Variants in MCF2L2 observed in about 807,000 individuals in gnomAD.
The protein encoded by MCF2L2 is MCF.2 cell line derived transforming sequence-like 2, also known as probable guanine nucleotide exchange factor MCF2L2.
MCF2L2 carries 102 observed loss-of-function variants against 150.2 expected under a neutral mutation model. The observed-to-expected ratio is 0.68, with a 90% CI of 0.58 to 0.80. MCF2L2 has a LOEUF of 0.80. MCF2L2 is among the 30% of genes least tolerant of loss of function. MCF2L2 has a pLI of 0.00. For missense variants in MCF2L2, 1,256 were observed against 1,372.8 expected (o/e 0.91, Z 1.34); for synonymous variants, 465 against 491.3 (o/e 0.95, Z 0.71).
At chr3:183,407,343 T>C (rs1013384982) in intron 1 of MCF2L2, among the ~76,000 whole-genome samples, 3 of 152,226 alleles carry the variant, frequency 2.0e-5, no homozygotes, top group Non-Finnish European at 4.4e-5. Flanking sequence ...TAGTTCTTTT[T>C]GCCTACTATA....
chr3:183,335,954 C>T (rs1730462164), intron 5 of MCF2L2, among the ~76,000 whole-genome samples: 1 of 152,162 alleles, frequency 6.6e-6, no homozygotes, highest in Non-Finnish European at 1.5e-5. Context: ...CCAAAGCGTT[C>T]GTCACCTCCC....
chr3:183,410,501 C>T (rs1223109116), intron 1 of MCF2L2, among the ~76,000 whole-genome samples: 1 of 152,188 alleles, frequency 6.6e-6, no homozygotes, highest in Admixed American at 6.5e-5. Context: ...CCCATGACAG[C>T]TTGTGGGCCA....
chr3:183,226,753 T>C (rs1723360159), intron 18 of MCF2L2: 1 of 152,226 alleles, frequency 6.6e-6, no homozygotes, highest in Admixed American at 6.5e-5. Context: ...AACCATAAAA[T>C]ACTTCTAATC....
At chr3:183,240,417 C>A (rs762673927) in intron 15 of MCF2L2, among the ~76,000 whole-genome samples, 1 of 152,142 alleles carries the variant, frequency 6.6e-6, no homozygotes, top group Non-Finnish European at 1.5e-5. Flanking sequence ...AGGGGTTTTA[C>A]CATGTTGGCC....
intron 2 of MCF2L2, among the ~76,000 whole-genome samples, chr3:183,385,223 G>A (rs1713764446): frequency 6.6e-6 from 1 of 151,956 alleles, no homozygotes; most frequent in African/African-American, 2.4e-5. Flanking sequence ...TTTTTAATAT[G>A]GTTACCATAA....
intron 10 of MCF2L2, among the ~76,000 whole-genome samples, chr3:183,304,590 C>T (rs1014405927): frequency 2.0e-5 from 3 of 151,330 alleles, no homozygotes; most frequent in African/African-American, 7.3e-5. Flanking sequence ...CTCAGCCTCC[C>T]GAGTAGCTGG....
intron 2 of MCF2L2, among the ~76,000 whole-genome samples, chr3:183,383,163 G>C (rs1422611138): frequency 1.3e-5 from 2 of 151,994 alleles, no homozygotes; most frequent in Non-Finnish European, 2.9e-5. Context: ...CATTTAAAAT[G>C]CTCTGAACCT....
chr3:183,371,675 A>T (rs1424824237), intron 3 of MCF2L2, among the ~76,000 whole-genome samples: 2 of 149,282 alleles, frequency 1.3e-5, no homozygotes, highest in Non-Finnish European at 3.0e-5. Context: ...ATGGGGTTTC[A>T]CCATGTTGGC....
At chr3:183,269,154 C>G (rs537795519) in intron 15 of MCF2L2, among the ~76,000 whole-genome samples, 1 of 148,462 alleles carries the variant, frequency 6.7e-6, no homozygotes, top group East Asian at 2.0e-4. Flanking sequence ...TGACCATATT[C>G]AAGTCAGTAT....
intron 20 of MCF2L2, 53 bp from the exon 21 acceptor site, chr3:183,219,977 A>C: frequency 7.6e-7 from 1 of 1,313,090 alleles, no homozygotes; most frequent in South Asian, 1.2e-5. Flanking sequence ...TGCCATCAAA[A>C]TGTAGATTGT....
chr3:183,268,961 G>T (rs1001926578), intron 15 of MCF2L2, among the ~76,000 whole-genome samples: 7 of 152,050 alleles, frequency 4.6e-5, no homozygotes, highest in African/African-American at 1.7e-4. Context: ...TTTGATTACT[G>T]AGAGTTTGCT....
At chr3:183,367,232 T>C (rs1337381982) in intron 3 of MCF2L2, among the ~76,000 whole-genome samples, 1 of 151,646 alleles carries the variant, frequency 6.6e-6, no homozygotes, top group East Asian at 1.9e-4. Context: ...TCTTTCTTTT[T>C]TTTTTTTTTT....
chr3:183,382,492 C>G (rs1319197358), intron 2 of MCF2L2, among the ~76,000 whole-genome samples: 2 of 152,170 alleles, frequency 1.3e-5, no homozygotes, highest in African/African-American at 4.8e-5. Context: ...TGCACACCCA[C>G]CTACTGTTGA....
chr3:183,183,039 A>G (rs60819078), intron 27 of MCF2L2, among the ~76,000 whole-genome samples: 7 of 152,178 alleles, frequency 4.6e-5, no homozygotes, highest in African/African-American at 1.7e-4. Context: ...CTTGTCACCC[A>G]GGTTGGAGTG....
chr3:183,252,172 T>C (rs1724576230), intron 15 of MCF2L2, among the ~76,000 whole-genome samples: 1 of 151,942 alleles, frequency 6.6e-6, no homozygotes, highest in African/African-American at 2.4e-5. Context: ...AATTGAATAT[T>C]TGCACAGATA....
At chr3:183,285,454 G>T (rs1727734802) in intron 14 of MCF2L2, among the ~76,000 whole-genome samples, 1 of 152,220 alleles carries the variant, frequency 6.6e-6, no homozygotes, top group African/African-American at 2.4e-5. Context: ...TTTACTAGTT[G>T]TATGACCCTT....
At chr3:183,326,433 A>G (rs1212586727) in intron 5 of MCF2L2, among the ~76,000 whole-genome samples, 17 of 131,016 alleles carry the variant, frequency 1.3e-4, no homozygotes, top group African/African-American at 4.9e-4. Flanking sequence ...CGGAGGTTGC[A>G]GTGGGCCGAG....
At chr3:183,219,783 A>G in intron 21 of MCF2L2, 73 bp downstream of exon 21, 1 of 1,008,740 alleles carries the variant, frequency 9.9e-7, no homozygotes, top group South Asian at 1.4e-5. Context: ...TAAAATTGCT[A>G]TAAATCCTCC....
chr3:183,412,519 A>G (rs1848524), intron 1 of MCF2L2, among the ~76,000 whole-genome samples: 146,846 of 151,950 alleles, frequency 0.97, 70,985 homozygotes, highest in East Asian at 1. Flanking sequence ...ACCTGGTCTC[A>G]AACTCCTGAC....
Sources: allele counts gnomAD v4.1 joint callset (sites outside exome capture counted in the v4.1 genomes callset), GRCh38; gene constraint gnomAD v4.1.1; transcripts MANE v1.5; gene names NCBI Gene and HGNC (gene_info 2026-07-23, HGNC 2026-07-21).